The following IL1RAPL2 variants were observed in gnomAD, a reference collection of about 807,000 sequenced individuals.
The protein encoded by IL1RAPL2 is X-linked interleukin-1 receptor accessory protein-like 2.
IL1RAPL2 carries 3 observed loss-of-function variants against 44.1 expected under a neutral mutation model. The ratio of observed to expected loss-of-function variants is 0.07; its 90% CI spans 0.03 to 0.18. The LOEUF (loss-of-function observed/expected upper bound fraction) is 0.18. Among genes scored for constraint, IL1RAPL2 ranks in the 10% least tolerant of loss-of-function variants. The pLI, the probability that IL1RAPL2 is intolerant of heterozygous loss-of-function variation, is 1.00. For synonymous variants in IL1RAPL2, 181 were observed against 178.8 expected, an observed-to-expected ratio of 1.01 and a Z score of -0.10; for missense variants, 391 against 496.4, an observed-to-expected ratio of 0.79 and a Z score of 2.02.
chrX:105,144,220 G>A (rs972753889), intron 2 of IL1RAPL2, among the ~76,000 whole-genome samples: 6 of 106,026 alleles, frequency 5.7e-5, no homozygotes, highest in Admixed American at 5.2e-4. Flanking sequence ...TGTGCTCTTG[G>A]CTGATTTCCC....
rs185953492 is a variant in IL1RAPL2 at position 104,650,842 on chromosome X, G to A, written c.-19-8053G>A. Among the ~76,000 whole-genome samples the A allele has an allele frequency of 1.0e-3, 116 of 111,615 alleles. 1 individual carries two copies. Among genetic ancestry groups the A allele is most frequent in the Admixed American group, 0.01 (107 of 10,503 alleles). ...GCATCTAACTTCTAGGGCAAAAATCGTTCAGTAGTGGTTAAGAGATTGGGG... is the reference window on the plus strand; with the variant it reads ...GCATCTAACTTCTAGGGCAAAAATCATTCAGTAGTGGTTAAGAGATTGGGG... On this transcript the variant is annotated intron_variant, in intron 1 of 10. Transcript: ENST00000372582.
rs759724368 is a variant in IL1RAPL2 at position 104,852,349 on chromosome X, A to G, written c.82+193354A>G. On this transcript the variant is annotated intron_variant, in intron 2 of 10. Transcript: ENST00000372582. Reference sequence around the variant, plus strand: ...AATAACAAAGGTGGCACCAGTCTGAAGTTGGACAGGCAGTTTCTGGGCAGA... The same window carrying G: ...AATAACAAAGGTGGCACCAGTCTGAGGTTGGACAGGCAGTTTCTGGGCAGA... Among the ~76,000 whole-genome samples the G allele has an allele frequency of 3.6e-5, 4 of 112,217 alleles. 1 individual carries two copies. The Admixed American group carries it at 3.8e-4, about 11-fold the overall frequency.
chrX:105,660,568 C>G (rs761668846), intron 6 of IL1RAPL2, among the ~76,000 whole-genome samples: 25 of 111,246 alleles, frequency 2.2e-4, no homozygotes, highest in Non-Finnish European at 4.3e-4. Flanking sequence ...ATAACCATAA[C>G]AACTTTCCAA....
At chrX:104,608,229 G>A (rs769535149) in intron 1 of IL1RAPL2, among the ~76,000 whole-genome samples, 1 of 110,355 alleles carries the variant, frequency 9.1e-6, no homozygotes, top group African/African-American at 3.3e-5. Flanking sequence ...GGCCAGTCAG[G>A]GGGTGGGGGG....
chrX:105,394,590 C>G (rs1201764395), intron 5 of IL1RAPL2, among the ~76,000 whole-genome samples: 1 of 110,930 alleles, frequency 9.0e-6, no homozygotes, highest in Non-Finnish European at 1.9e-5. Context: ...TATAAATTTA[C>G]CTTACCAAAA....
chrX:104,907,253 G>A (rs941469055), intron 2 of IL1RAPL2, among the ~76,000 whole-genome samples: 1 of 111,435 alleles, frequency 9.0e-6, no homozygotes, highest in Non-Finnish European at 1.9e-5. Flanking sequence ...CAAAAAACCA[G>A]CTCCTGGATT....
rs2035848656 is a variant in IL1RAPL2 at position 105,431,693 on chromosome X, T to A, written c.698-52620T>A. 2.7e-5 allele frequency among the ~76,000 whole-genome samples: 3 copies of A among 111,728 alleles called. 1 individual carries two copies. In the South Asian group the frequency reaches 1.1e-3, roughly 41 times the overall value. On this transcript the variant is annotated intron_variant, in intron 5 of 10. Transcript: ENST00000372582. ...AAGACCCAACTCCAGAAATAATATGTTCCCCATCCTTATAGTTCTGATGTC... is the reference window on the plus strand; with the variant it reads ...AAGACCCAACTCCAGAAATAATATGATCCCCATCCTTATAGTTCTGATGTC...
intron 7 of IL1RAPL2, among the ~76,000 whole-genome samples, chrX:105,729,549 G>T (rs1231288596): frequency 9.0e-6 from 1 of 110,730 alleles, no homozygotes; most frequent in East Asian, 2.8e-4. Flanking sequence ...TAGGTTGTTA[G>T]TTTTTTTATG....
chrX:105,537,049 T>C (rs770230159), intron 6 of IL1RAPL2, among the ~76,000 whole-genome samples: 34 of 111,924 alleles, frequency 3.0e-4, no homozygotes, highest in African/African-American at 1.0e-3. Context: ...GCTTTGCTTA[T>C]GGTAGATTTT....
In IL1RAPL2 at chrX:105,172,846, T is replaced by C. The variant is rs1225698596; in HGVS notation, c.83-22629T>C. Among the ~76,000 whole-genome samples, 3 of 110,989 alleles carry C rather than the reference T, an allele frequency of 2.7e-5. No homozygotes were observed. The East Asian group carries it at 8.5e-4, about 31-fold the overall frequency. ...CATTTTAGAATTTCTGCTACAAGAG[T>C]GTTTATGGAGTTGGAGGGCAGGGAC... On this transcript the variant is annotated intron_variant, in intron 2 of 10. Coordinates refer to ENST00000372582, the MANE Select transcript of IL1RAPL2 (RefSeq NM_017416.2).
chrX:105,021,579 T>G (rs2031282894), intron 2 of IL1RAPL2, among the ~76,000 whole-genome samples: 1 of 111,202 alleles, frequency 9.0e-6, no homozygotes, highest in East Asian at 2.9e-4. Flanking sequence ...CCTGAGTAAT[T>G]ATTTAGTGTA....
At chrX:104,607,694 C>T (rs776346031) in intron 1 of IL1RAPL2, among the ~76,000 whole-genome samples, 10 of 111,582 alleles carry the variant, frequency 9.0e-5, no homozygotes, top group Admixed American at 5.7e-4. Context: ...TACCATCTCA[C>T]GCCAGTTAGG....
At chrX:105,486,630 G>A (rs953132918) in intron 6 of IL1RAPL2, among the ~76,000 whole-genome samples, 1 of 111,047 alleles carries the variant, frequency 9.0e-6, no homozygotes, top group Non-Finnish European at 1.9e-5. Context: ...GTTACATGGA[G>A]CCATATGACG....
At chrX:105,178,761 T>C (rs2033500492) in intron 2 of IL1RAPL2, among the ~76,000 whole-genome samples, 1 of 112,059 alleles carries the variant, frequency 8.9e-6, no homozygotes, top group Non-Finnish European at 1.9e-5. Flanking sequence ...TTGAGCATTT[T>C]TCATATATCT....
intron 2 of IL1RAPL2, among the ~76,000 whole-genome samples, chrX:105,125,848 G>A (rs138436516): frequency 3.8e-3 from 416 of 110,336 alleles, no homozygotes; most frequent in African/African-American, 0.012. Flanking sequence ...AATTCCCCCC[G>A]TGTATACTGA....
At chrX:104,819,888 A>C (rs1268235537) in intron 2 of IL1RAPL2, among the ~76,000 whole-genome samples, 2 of 111,661 alleles carry the variant, frequency 1.8e-5, no homozygotes, top group African/African-American at 6.5e-5. Context: ...GATTTTGTCC[A>C]TATTATCTTG....
intron 2 of IL1RAPL2, among the ~76,000 whole-genome samples, chrX:105,087,614 A>G (rs1317777898): frequency 2.7e-5 from 3 of 111,877 alleles, no homozygotes. Flanking sequence ...GCTAATGCCT[A>G]TGGTTTGTAA....
At position 105,506,496 on chromosome X, in the gene IL1RAPL2, C is replaced by T. The variant is rs193188899; in HGVS notation, c.772+22109C>T. Reference sequence around the variant, plus strand: ...TCTTCTGGTACAAGCTTCTTTACTTCATTTCTCTCTTCTAAGACAGTGAGA... The same window carrying T: ...TCTTCTGGTACAAGCTTCTTTACTTTATTTCTCTCTTCTAAGACAGTGAGA... On this transcript the variant is annotated intron_variant, in intron 6 of 10. Coordinates refer to ENST00000372582, the MANE Select transcript of IL1RAPL2 (RefSeq NM_017416.2). 5.6e-3 allele frequency among the ~76,000 whole-genome samples: 622 copies of T among 111,264 alleles called. 5 individuals are homozygous for T. The highest frequency in any genetic ancestry group is 0.019 in the African/African-American group (581 of 30,601).
At chrX:105,151,914 C>G (rs1380388127) in intron 2 of IL1RAPL2, among the ~76,000 whole-genome samples, 5 of 111,166 alleles carry the variant, frequency 4.5e-5, no homozygotes, top group African/African-American at 1.6e-4. Flanking sequence ...AACCAAACAT[C>G]ACATATTTTC....
Sources: allele counts gnomAD v4.1 joint callset (sites outside exome capture counted in the v4.1 genomes callset), GRCh38; gene constraint gnomAD v4.1.1; transcripts MANE v1.5; gene names NCBI Gene and HGNC (gene_info 2026-07-23, HGNC 2026-07-21).